Variants in CARMIL1 observed in about 807,000 individuals in gnomAD.
CARMIL1 encodes capping protein regulator and myosin 1 linker 1, also known as F-actin-uncapping protein LRRC16A.
In CARMIL1, 90 loss-of-function variants were observed where a neutral mutation model predicts 177.1. The observed-to-expected ratio is 0.51, with a 90% confidence interval of 0.43 to 0.61. The LOEUF is 0.61. Among genes scored for constraint, CARMIL1 ranks in the 20% least tolerant of loss-of-function variants. The pLI, the probability that CARMIL1 is intolerant of heterozygous loss-of-function variation, is 0.00. For synonymous variants in CARMIL1, 577 were observed against 606.2 expected, an observed-to-expected ratio of 0.95 and a Z score of 0.71; for missense variants, 1,380 against 1,667.0, an observed-to-expected ratio of 0.83 and a Z score of 3.00.
chr6:25,366,467 TTTAC>T (rs1207846639), intron 2 of CARMIL1, among the ~76,000 whole-genome samples: 1 of 151,984 alleles, frequency 6.6e-6, no homozygotes, highest in Non-Finnish European at 1.5e-5. Flanking sequence ...CCCATTCTGC[TTTAC>T]TTTTCTCCAT....
At chr6:25,315,856 C>T (rs1181813793) in intron 2 of CARMIL1, among the ~76,000 whole-genome samples, 1 of 152,202 alleles carries the variant, frequency 6.6e-6, no homozygotes, top group African/African-American at 2.4e-5. Flanking sequence ...TGACCAGCGT[C>T]ATTGCCAATA....
At chr6:25,335,654 C>T (rs1426286969) in intron 2 of CARMIL1, among the ~76,000 whole-genome samples, 1 of 152,220 alleles carries the variant, frequency 6.6e-6, no homozygotes, top group East Asian at 1.9e-4. Flanking sequence ...GCTGTCTGTA[C>T]AAGAAGGGTT....
chr6:25,563,395 G>T, intron 29 of CARMIL1: 1 of 985,166 alleles, frequency 1.0e-6, no homozygotes, highest in Admixed American at 6.1e-5. Context: ...TAAATACTAA[G>T]GATGTAATTC....
chr6:25,435,180 C>T (rs947907407), intron 4 of CARMIL1, among the ~76,000 whole-genome samples: 6 of 152,230 alleles, frequency 3.9e-5, no homozygotes, highest in Admixed American at 2.0e-4. Flanking sequence ...AGTTTCTAGA[C>T]GTTTCTGACA....
At chr6:25,481,495 C>G (rs1188136528) in intron 11 of CARMIL1, among the ~76,000 whole-genome samples, 1 of 152,194 alleles carries the variant, frequency 6.6e-6, no homozygotes, top group Non-Finnish European at 1.5e-5. Context: ...AAGGAGCCTT[C>G]TCAAGAACAT....
chr6:25,571,788 C>T (rs1162249650), intron 29 of CARMIL1, among the ~76,000 whole-genome samples: 6 of 152,030 alleles, frequency 3.9e-5, no homozygotes, highest in Non-Finnish European at 8.8e-5. Flanking sequence ...ATGAGGAAAC[C>T]ATCAGACAAA....
chr6:25,477,970 C>G (rs182422540), intron 11 of CARMIL1, among the ~76,000 whole-genome samples: 75 of 151,140 alleles, frequency 5.0e-4, no homozygotes, highest in African/African-American at 1.8e-3. Flanking sequence ...ATCCTCCCCA[C>G]TCAGTCTCCC....
At position 25,600,479 on chromosome 6, in the gene CARMIL1, A is replaced by G; in HGVS notation, c.3285A>G (p.Pro1095=). The G allele has an allele frequency of 6.2e-7, 1 of 1,614,048 alleles. No homozygotes were observed. The highest frequency in any genetic ancestry group is 8.5e-7 in the Non-Finnish European group (1 of 1,179,900). ...TGATGACAGAAGAACCCTCCTCACC[A>G]AAAGGGGCAGTCAGAAGTCCACCTG... ...TILMTEEPSS[P]KGAVRSPPVD... is the part of the protein sequence containing the mutation. The change falls in exon 33 of 37, where the codon CCA becomes CCG. Residue 1095 remains proline, a synonymous_variant. Transcript: ENST00000329474.
chr6:25,586,245 G>A (rs1433206577), intron 31 of CARMIL1, among the ~76,000 whole-genome samples: 2 of 148,774 alleles, frequency 1.3e-5, no homozygotes, highest in Non-Finnish European at 3.0e-5. Flanking sequence ...AGACGGGGTG[G>A]CCGGGCAGAG....
At chr6:25,321,392 C>T (rs989926543) in intron 2 of CARMIL1, among the ~76,000 whole-genome samples, 3 of 152,034 alleles carry the variant, frequency 2.0e-5, no homozygotes, top group African/African-American at 7.3e-5. Context: ...CTTCCAAAGC[C>T]TAGAGGAGGG....
At chr6:25,505,173 G>A (rs986031623) in intron 17 of CARMIL1, among the ~76,000 whole-genome samples, 3 of 152,172 alleles carry the variant, frequency 2.0e-5, no homozygotes, top group Admixed American at 2.0e-4. Context: ...AGTTTATGGT[G>A]AGACAAATTC....
intron 29 of CARMIL1, among the ~76,000 whole-genome samples, chr6:25,569,829 G>A (rs369086424): frequency 1.3e-5 from 2 of 152,008 alleles, no homozygotes; most frequent in South Asian, 2.1e-4. Flanking sequence ...CCAAGATTGC[G>A]ACTTAAAATA....
intron 2 of CARMIL1, among the ~76,000 whole-genome samples, chr6:25,298,499 AT>A (rs1782603716): frequency 6.6e-6 from 1 of 152,282 alleles, no homozygotes; most frequent in East Asian, 1.9e-4. Flanking sequence ...GTGTTGAGAA[AT>A]TTGTCTCTGA....
At chr6:25,355,765 T>C (rs1430281302) in intron 2 of CARMIL1, among the ~76,000 whole-genome samples, 1 of 152,200 alleles carries the variant, frequency 6.6e-6, no homozygotes, top group African/African-American at 2.4e-5. Context: ...CAATTTAAAA[T>C]TTTTTAATTC....
At position 25,509,784 on chromosome 6, in the gene CARMIL1, C is replaced by A. The variant is rs1465514744; in HGVS notation, c.1477+47C>A. 2 of 1,294,976 alleles carry A rather than the reference C, an allele frequency of 1.5e-6. No individual in the cohort carries two copies. Among genetic ancestry groups the A allele is most frequent in the Admixed American group, 4.1e-5 (2 of 48,320 alleles). 80.2% of individuals were successfully genotyped at this position (1,294,976 alleles called of 1,614,324 possible). On this transcript the variant is annotated intron_variant, in intron 18 of 36. Coordinates refer to ENST00000329474, the MANE Select transcript of CARMIL1 (RefSeq NM_017640.6). This position sits in a 1 kb window ranked among gnomAD's most constrained non-coding sequence, Gnocchi z 4.1. ...AATGAAACTGAAATATTTTTTGAAGCAAGTTAATAAGGGGAAAATAATCTT... is the reference window on the plus strand; with the variant it reads ...AATGAAACTGAAATATTTTTTGAAGAAAGTTAATAAGGGGAAAATAATCTT...
rs368121841 is a variant in CARMIL1 at position 25,533,949 on chromosome 6, A to G, written c.2068-3906A>G. ...TGATTTTGCCATTTCACTCAGGGAC[A>G]TCATCATTCACTGAGGGTTGAACCT... On this transcript the variant is annotated intron_variant, in intron 24 of 36. Coordinates refer to ENST00000329474, the MANE Select transcript of CARMIL1 (RefSeq NM_017640.6). Among the ~76,000 whole-genome samples, 3 of 152,108 alleles carry G rather than the reference A, an allele frequency of 2.0e-5. No homozygotes were observed. The East Asian group carries it at 5.8e-4, about 29-fold the overall frequency.
chr6:25,561,987 G>A (rs1039522251), intron 29 of CARMIL1, among the ~76,000 whole-genome samples: 3 of 152,104 alleles, frequency 2.0e-5, no homozygotes, highest in African/African-American at 4.8e-5. Flanking sequence ...AATGGTTAAT[G>A]TGTGTTCCTC....
At chr6:25,457,646 A>G (rs936670304) in intron 8 of CARMIL1, among the ~76,000 whole-genome samples, 4 of 152,158 alleles carry the variant, frequency 2.6e-5, no homozygotes, top group Non-Finnish European at 5.9e-5. Context: ...TGATAATGCT[A>G]GGCTCTGAGT....
intron 2 of CARMIL1, among the ~76,000 whole-genome samples, chr6:25,293,058 A>C (rs1782099017): frequency 6.6e-6 from 1 of 152,046 alleles, no homozygotes; most frequent in Admixed American, 6.5e-5. Context: ...GAAGGATAAA[A>C]GATTTTTGTT....
Sources: allele counts gnomAD v4.1 joint callset (sites outside exome capture counted in the v4.1 genomes callset), GRCh38; gene constraint gnomAD v4.1.1; non-coding constraint Gnocchi (gnomAD v3.1); transcripts MANE v1.5; gene names NCBI Gene and HGNC (gene_info 2026-07-23, HGNC 2026-07-21).